SPIRE1: variants seen among roughly 807,000 people sequenced by gnomAD.
SPIRE1 encodes the protein protein spire homolog 1.
A neutral mutation model predicts 94.1 loss-of-function variants in SPIRE1; 40 were observed. The ratio of observed to expected loss-of-function variants is 0.43; its 90% CI spans 0.33 to 0.55. SPIRE1 has a LOEUF of 0.55. SPIRE1 is among the 20% of genes least tolerant of loss of function. The pLI, the probability that SPIRE1 is intolerant of heterozygous loss-of-function variation, is 0.06. For missense variants in SPIRE1, 838 were observed against 975.2 expected, an observed-to-expected ratio of 0.86 and a Z score of 1.87; for synonymous variants, 376 against 371.7, an observed-to-expected ratio of 1.01 and a Z score of -0.13.
Position 12,565,477 on chromosome 18 carries a change from C to A in SPIRE1, c.373-18573G>T, listed in dbSNP as rs1038864209. Among the ~76,000 whole-genome samples the A allele has an allele frequency of 2.2e-4, 34 of 151,976 alleles. 1 individual carries two copies. Among genetic ancestry groups the A allele is most frequent in the Admixed American group, 2.2e-3 (34 of 15,260 alleles). On this transcript the variant is annotated intron_variant, in intron 2 of 16. Transcript: ENST00000409402. ...GCAACCTCTGCCTCCTGGGTTCAAA[C>A]GATTCTTCTGCCTTAGCCTCCCGAG...
At chr18:12,599,157 C>A (rs922628849) in intron 2 of SPIRE1, among the ~76,000 whole-genome samples, 3 of 152,154 alleles carry the variant, frequency 2.0e-5, no homozygotes, top group Non-Finnish European at 4.4e-5. Context: ...AACATCTAAT[C>A]CACAGTCTAT....
chr18:12,613,087 C>T (rs1481693473), intron 2 of SPIRE1, among the ~76,000 whole-genome samples: 1 of 152,172 alleles, frequency 6.6e-6, no homozygotes, highest in East Asian at 1.9e-4. Flanking sequence ...AGATTTTTAT[C>T]TGTTGTGTTC....
At chr18:12,508,749 A>G (rs1262267554) in intron 5 of SPIRE1, among the ~76,000 whole-genome samples, 1 of 150,154 alleles carries the variant, frequency 6.7e-6, no homozygotes, top group African/African-American at 2.5e-5. Context: ...ATCTTGGCTC[A>G]CTGCAATTTC....
At chr18:12,567,200 T>TA (rs2035842198) in intron 2 of SPIRE1, among the ~76,000 whole-genome samples, 1 of 152,076 alleles carries the variant, frequency 6.6e-6, no homozygotes, top group Non-Finnish European at 1.5e-5. Flanking sequence ...AATTTGAAAT[T>TA]AAAAATATAA....
rs1345452411 is a variant in SPIRE1 at position 12,549,436 on chromosome 18, G to GTTTTT, written c.373-2533_373-2532insAAAAA. Among the ~76,000 whole-genome samples the GTTTTT allele has an allele frequency of 4.3e-3, 223 of 51,914 alleles. 5 individuals carry two copies. The highest frequency in any genetic ancestry group is 6.3e-3 in the Non-Finnish European group (169 of 26,812). The allele number at this position is 51,914 out of a possible 152,430, so 34.1% of individuals were successfully genotyped here. A position where few individuals can be genotyped will look rare whatever the true frequency, so the allele number is the denominator to read the frequency against. The stretch of plus-strand genomic sequence containing the variant: ...TTGCTTTTTGTTTGTTTTTGTTATT[G>GTTTTT]TTGTTTTTTTTTTTTTTTTTTTTTT... On this transcript the variant is annotated intron_variant, in intron 2 of 16. Coordinates refer to ENST00000409402, the MANE Select transcript of SPIRE1 (RefSeq NM_001128626.2).
At chr18:12,648,573 C>G (rs546926353) in intron 1 of SPIRE1, among the ~76,000 whole-genome samples, 2 of 151,890 alleles carry the variant, frequency 1.3e-5, no homozygotes, top group Non-Finnish European at 2.9e-5. Flanking sequence ...TATGGTATCT[C>G]GAATGGGATT....
At chr18:12,470,290 G>C (rs1303386431) in intron 10 of SPIRE1, among the ~76,000 whole-genome samples, 1 of 152,148 alleles carries the variant, frequency 6.6e-6, no homozygotes, top group Non-Finnish European at 1.5e-5. Flanking sequence ...GCTTTTCCAA[G>C]AAGGAAATAA....
chr18:12,570,979 T>C (rs1292692246), intron 2 of SPIRE1, among the ~76,000 whole-genome samples: 2 of 152,168 alleles, frequency 1.3e-5, no homozygotes, highest in African/African-American at 4.8e-5. Context: ...TATTTCTCCT[T>C]TAGTGTGTGT....
intron 10 of SPIRE1, 132 bp downstream of exon 10, chr18:12,479,567 T>C: frequency 3.6e-6 from 3 of 823,618 alleles, no homozygotes; most frequent in Non-Finnish European, 5.4e-6. Context: ...AAATTAATTT[T>C]AATCCTAGCT....
intron 5 of SPIRE1, 68 bp downstream of exon 5, chr18:12,512,386 C>CAAAA: frequency 1.9e-6 from 2 of 1,032,272 alleles, no homozygotes; most frequent in Non-Finnish European, 2.8e-6. Context: ...GACTCTGTCT[C>CAAAA]AAAAAAAAAA....
chr18:12,581,592 G>A (rs1293672571), intron 2 of SPIRE1, among the ~76,000 whole-genome samples: 4 of 152,146 alleles, frequency 2.6e-5, no homozygotes, highest in Non-Finnish European at 4.4e-5. Context: ...GGCCAGGCAC[G>A]GTGGCTCATG....
intron 1 of SPIRE1, among the ~76,000 whole-genome samples, chr18:12,652,007 A>G (rs1384658406): frequency 6.6e-6 from 1 of 152,236 alleles, no homozygotes; most frequent in African/African-American, 2.4e-5. Flanking sequence ...ATACATCTAA[A>G]CTAAAGGTAC....
At chr18:12,572,900 A>G (rs2035993181) in intron 2 of SPIRE1, among the ~76,000 whole-genome samples, 1 of 152,230 alleles carries the variant, frequency 6.6e-6, no homozygotes, top group Non-Finnish European at 1.5e-5. Context: ...GGGATGATAG[A>G]CCTAAATGTA....
intron 2 of SPIRE1, among the ~76,000 whole-genome samples, chr18:12,566,848 G>A (rs911224210): frequency 1.3e-5 from 2 of 152,020 alleles, no homozygotes; most frequent in Admixed American, 6.6e-5. Flanking sequence ...TTCATCCTAT[G>A]AGGCCAGCAT....
At chr18:12,516,887 T>C (rs938149067) in intron 4 of SPIRE1, among the ~76,000 whole-genome samples, 68 of 152,210 alleles carry the variant, frequency 4.5e-4, no homozygotes, top group African/African-American at 1.5e-3. Context: ...TACCTTTATT[T>C]GTGCTGTGAT....
At chr18:12,525,019 GT>G (rs2034465625) in intron 4 of SPIRE1, among the ~76,000 whole-genome samples, 1 of 151,164 alleles carries the variant, frequency 6.6e-6, no homozygotes, top group South Asian at 2.1e-4. Context: ...GCTCACGCCT[GT>G]AATCCCAGCA....
At chr18:12,648,701 C>T (rs1454233567) in intron 1 of SPIRE1, among the ~76,000 whole-genome samples, 2 of 151,694 alleles carry the variant, frequency 1.3e-5, no homozygotes, top group Non-Finnish European at 2.9e-5. Context: ...ACCAGCCTGA[C>T]CAACATGGAG....
chr18:12,496,154 G>C (rs752165484), intron 6 of SPIRE1, 52 bp from the exon 7 acceptor site: 1 of 1,237,602 alleles, frequency 8.1e-7, no homozygotes, highest in Admixed American at 1.7e-5. Context: ...AGACTATCAT[G>C]AATTTCTGGG....
At chr18:12,545,496 G>A (rs2035135819) in intron 3 of SPIRE1, among the ~76,000 whole-genome samples, 1 of 152,076 alleles carries the variant, frequency 6.6e-6, no homozygotes, top group South Asian at 2.1e-4. Context: ...GAAAATAAGA[G>A]ATACACCATT....
Sources: allele counts gnomAD v4.1 joint callset (sites outside exome capture counted in the v4.1 genomes callset), GRCh38; gene constraint gnomAD v4.1.1; transcripts MANE v1.5; gene names NCBI Gene and HGNC (gene_info 2026-07-23, HGNC 2026-07-21).